WDR37: variants seen among roughly 807,000 people sequenced by gnomAD.
The protein encoded by WDR37 is WD repeat-containing protein 37.
A neutral mutation model predicts 62.9 loss-of-function variants in WDR37; 19 were observed. The ratio of observed to expected loss-of-function variants is 0.30; its 90% confidence interval spans 0.21 to 0.44. The LOEUF (loss-of-function observed/expected upper bound fraction) is 0.44. Among genes scored for constraint, WDR37 ranks in the 20% least tolerant of loss-of-function variants. The probability of loss-of-function intolerance (pLI) is 1.00; values close to 1 mark genes in which losing one functional copy is unlikely to be tolerated. For missense variants in WDR37, 474 were observed against 657.6 expected (o/e 0.72, Z 3.05); for synonymous variants, 250 against 260.9 (o/e 0.96, Z 0.40).
At chr10:1,073,602 C>T (rs909086583) in intron 2 of WDR37, among the ~76,000 whole-genome samples, 6 of 152,224 alleles carry the variant, frequency 3.9e-5, no homozygotes, top group African/African-American at 1.4e-4. Context: ...ACTCCCATAA[C>T]ATAATGCCAC....
chr10:1,072,196 CAA>C lies in WDR37; in HGVS notation c.44_45del (p.Lys15ThrfsTer7). On this transcript the variant is annotated frameshift_variant, in exon 2 of 14. Coordinates refer to ENST00000263150, the MANE Select transcript of WDR37 (RefSeq NM_014023.4). LOFTEE classifies it high-confidence loss of function. ...GCAAGTTGTTCGACTGCTCGCCAAA[CAA>C]AACAGAAGCGCAAATCCCATAGCCT... The C allele has an allele frequency of 6.2e-7, 1 of 1,614,122 alleles. No homozygotes were observed. Among genetic ancestry groups the C allele is most frequent in the Non-Finnish European group, 8.5e-7 (1 of 1,180,020 alleles).
At chr10:1,085,852 A>G (rs773007055) in intron 6 of WDR37, among the ~76,000 whole-genome samples, 10 of 152,272 alleles carry the variant, frequency 6.6e-5, no homozygotes, top group Non-Finnish European at 1.0e-4. Flanking sequence ...AATAATGGCT[A>G]TAAGAGAAAG....
intron 11 of WDR37, among the ~76,000 whole-genome samples, chr10:1,110,586 C>T (rs1381764661): frequency 6.6e-6 from 1 of 152,236 alleles, no homozygotes; most frequent in Non-Finnish European, 1.5e-5. Context: ...CGCCCCAGCA[C>T]ACCTGGGTGA....
chr10:1,058,545 T>G (rs1211706054), intron 1 of WDR37, among the ~76,000 whole-genome samples: 8 of 152,264 alleles, frequency 5.3e-5, no homozygotes, highest in African/African-American at 1.9e-4. Context: ...CATCCTTGGT[T>G]TAAAGTTGTT....
intron 13 of WDR37, among the ~76,000 whole-genome samples, chr10:1,125,892 T>C (rs969201134): frequency 6.6e-6 from 1 of 152,248 alleles, no homozygotes; most frequent in Non-Finnish European, 1.5e-5. Flanking sequence ...CGCTATGTGC[T>C]GTTCAGCCCA....
At chr10:1,070,193 G>A (rs1833685279) in intron 1 of WDR37, among the ~76,000 whole-genome samples, 1 of 139,264 alleles carries the variant, frequency 7.2e-6, no homozygotes, top group Middle Eastern at 4.0e-3. Context: ...AGGAGACAGA[G>A]CAAGACTCTG....
intron 1 of WDR37, among the ~76,000 whole-genome samples, chr10:1,058,798 G>A (rs546432035): frequency 6.6e-6 from 1 of 152,170 alleles, no homozygotes; most frequent in Non-Finnish European, 1.5e-5. Flanking sequence ...CTAGGAATTC[G>A]TCTAACAGTG....
In WDR37 at chr10:1,085,458, G is replaced by A. The variant is rs191077947; in HGVS notation, c.533-828G>A. 1.0e-3 allele frequency among the ~76,000 whole-genome samples: 152 copies of A among 152,300 alleles called. 3 individuals are homozygous for A. In the East Asian group the frequency reaches 0.027, roughly 27 times the overall value. Reference sequence around the variant, plus strand: ...CAGATGTTTGCCCACAGAATCACAGGGGCAGAGTGTGGAAAGTGACCCTTT... The same window carrying A: ...CAGATGTTTGCCCACAGAATCACAGAGGCAGAGTGTGGAAAGTGACCCTTT... On this transcript the variant is annotated intron_variant, in intron 6 of 13. Coordinates refer to ENST00000263150, the MANE Select transcript of WDR37 (RefSeq NM_014023.4).
At position 1,077,916 on chromosome 10, in the gene WDR37, C is replaced by G. The variant is rs1833927374; in HGVS notation, c.148C>G (p.Leu50Val). The G allele has an allele frequency of 6.2e-7, 1 of 1,609,788 alleles. No individual in the cohort carries two copies. The highest frequency in any genetic ancestry group is 2.2e-5 in the East Asian group (1 of 44,676). The change falls in exon 3 of 14, where the codon CTG becomes GTG. Residue 50 changes from leucine to valine, a missense_variant. Leu to Val is a conservative substitution (Grantham distance 32). Transcript: ENST00000263150. ...RDMLEGQDSK[L>V]PSSVRSTLLE... Reference sequence around the variant, plus strand: ...AAGTCTTCTTCTGCAGGATTCTAAACTGCCTTCCTCGGTTCGCAGTACACT... The same window carrying G: ...AAGTCTTCTTCTGCAGGATTCTAAAGTGCCTTCCTCGGTTCGCAGTACACT...
chr10:1,087,320 G>A (rs1834236477), intron 7 of WDR37, among the ~76,000 whole-genome samples: 1 of 152,214 alleles, frequency 6.6e-6, no homozygotes, highest in African/African-American at 2.4e-5. Context: ...GCAGTGCCTG[G>A]CGTGTGTGTG....
At chr10:1,076,319 C>T (rs1436268684) in intron 2 of WDR37, among the ~76,000 whole-genome samples, 1 of 151,912 alleles carries the variant, frequency 6.6e-6, no homozygotes, top group African/African-American at 2.4e-5. Context: ...TGTCATTTTT[C>T]CCTAAAATTT....
chr10:1,086,441 T>C, intron 7 of WDR37, 84 bp downstream of exon 7: 1 of 1,090,298 alleles, frequency 9.2e-7, no homozygotes, highest in Non-Finnish European at 1.4e-6. Context: ...TAAAGCCAGC[T>C]GCTACTGTGT....
Position 1,129,682 on chromosome 10 carries a change from G to C in WDR37, c.*338G>C. On this transcript the variant is annotated 3_prime_UTR_variant, in exon 14 of 14. Coordinates refer to ENST00000263150, the MANE Select transcript of WDR37 (RefSeq NM_014023.4). The stretch of plus-strand genomic sequence containing the variant: ...TTGTGTGAATTAAATGTGAACTTCT[G>C]TATTACGTTGCGGCGTCGGCAGTCC... 2.7e-5 allele frequency: 5 copies of C among 187,576 alleles called. No homozygotes were observed. Among genetic ancestry groups the C allele is most frequent in the South Asian group, 2.2e-4 (2 of 8,962 alleles). 11.6% of individuals were successfully genotyped at this position (187,576 alleles called of 1,614,324 possible). A position where few individuals can be genotyped will look rare whatever the true frequency, so the allele number is the denominator to read the frequency against.
intron 1 of WDR37, among the ~76,000 whole-genome samples, chr10:1,064,663 T>C (rs1377279957): frequency 7.2e-6 from 1 of 138,556 alleles, no homozygotes; most frequent in East Asian, 2.4e-4. Context: ...TGGTGTGATC[T>C]CAGCTCACTA....
chr10:1,069,389 A>ATATATATATAT, intron 1 of WDR37, among the ~76,000 whole-genome samples: 41 of 95,780 alleles, frequency 4.3e-4, no homozygotes, highest in African/African-American at 1.1e-3. Context: ...ATATATATAT[A>ATATATATATAT]TTTTTTTTTT....
intron 2 of WDR37, among the ~76,000 whole-genome samples, chr10:1,072,811 C>T (rs1040186950): frequency 4.6e-5 from 7 of 152,158 alleles, no homozygotes; most frequent in African/African-American, 1.7e-4. Context: ...CATATGTATA[C>T]TAAGTAATAA....
At chr10:1,076,065 C>T (rs746175529) in intron 2 of WDR37, among the ~76,000 whole-genome samples, 1 of 152,192 alleles carries the variant, frequency 6.6e-6, no homozygotes, top group Non-Finnish European at 1.5e-5. Flanking sequence ...CAGGCGTGAG[C>T]CACTGTGCCT....
intron 11 of WDR37, among the ~76,000 whole-genome samples, chr10:1,109,583 C>T (rs573220735): frequency 3.9e-5 from 6 of 152,202 alleles, no homozygotes; most frequent in African/African-American, 1.2e-4. Flanking sequence ...TGGTGGCGCA[C>T]GCCTGTAATC....
At chr10:1,116,960 A>C (rs981826047) in intron 11 of WDR37, among the ~76,000 whole-genome samples, 5 of 151,926 alleles carry the variant, frequency 3.3e-5, no homozygotes, top group Non-Finnish European at 7.4e-5. Flanking sequence ...CCACCTGCAG[A>C]GCTGCCGTTC....
Sources: allele counts gnomAD v4.1 joint callset (sites outside exome capture counted in the v4.1 genomes callset), GRCh38; gene constraint gnomAD v4.1.1; transcripts MANE v1.5; gene names NCBI Gene and HGNC (gene_info 2026-07-23, HGNC 2026-07-21).